USP45: variants seen among roughly 807,000 people sequenced by gnomAD.
USP45 encodes the protein ubiquitin specific peptidase 45, also known as ubiquitin carboxyl-terminal hydrolase 45.
In USP45, 89 loss-of-function variants were observed where a neutral mutation model predicts 95.8. The observed-to-expected ratio is 0.93, with a 90% CI of 0.78 to 1.11. The LOEUF (loss-of-function observed/expected upper bound fraction) is 1.11. Ranked by LOEUF, USP45 falls within the 50% of genes least tolerant of loss-of-function variation. The pLI is 0.00. For synonymous variants in USP45, 281 were observed against 316.2 expected, an observed-to-expected ratio of 0.89 and a Z score of 1.18; for missense variants, 898 against 942.5, an observed-to-expected ratio of 0.95 and a Z score of 0.62.
intron 1 of USP45, among the ~76,000 whole-genome samples, chr6:99,511,359 T>G (rs1799743128): frequency 6.6e-6 from 1 of 151,744 alleles, no homozygotes; most frequent in Non-Finnish European, 1.5e-5. Flanking sequence ...TTCACTGTGT[T>G]AGTCAGAATG....
intron 14 of USP45, among the ~76,000 whole-genome samples, chr6:99,445,298 G>A (rs574370805): frequency 6.6e-6 from 1 of 152,076 alleles, no homozygotes; most frequent in Admixed American, 6.6e-5. Flanking sequence ...GCCTGGCCAA[G>A]ATGGTGAAAC....
chr6:99,487,931 C>G (rs531464047), intron 7 of USP45, among the ~76,000 whole-genome samples: 27 of 152,310 alleles, frequency 1.8e-4, no homozygotes, highest in Admixed American at 1.0e-3. Flanking sequence ...ATAGAAGTCA[C>G]ACCTCTTTTG....
chr6:99,465,127 C>A lies in USP45; in HGVS notation c.1117G>T (p.Val373Leu), dbSNP rs76636141. 1.1e-5 allele frequency: 18 copies of A among 1,593,244 alleles called. No individual in the cohort carries two copies. The highest frequency in any genetic ancestry group is 1.5e-5 in the Non-Finnish European group (17 of 1,167,486). Residue 373 changes from valine to leucine, a missense_variant, in exon 12 of 18, where the codon GTG becomes TTG. Coordinates refer to ENST00000500704, the MANE Select transcript of USP45 (RefSeq NM_001346022.3). ...MCEECANIST[V>L]KDPFIDISLP... ...GAAATATCAATGAATGGATCTTTCA[C>A]CGTGGAGATCTTAAAAGGAAAACAC... is the stretch of plus-strand genomic sequence containing the variant.
At chr6:99,447,977 T>G (rs1199774011) in intron 13 of USP45, among the ~76,000 whole-genome samples, 1 of 152,232 alleles carries the variant, frequency 6.6e-6, no homozygotes, top group African/African-American at 2.4e-5. Context: ...GACCTGCAGC[T>G]GAGGGTCCTG....
intron 9 of USP45, among the ~76,000 whole-genome samples, chr6:99,474,923 T>C (rs1790426813): frequency 6.6e-6 from 1 of 152,194 alleles, no homozygotes; most frequent in African/African-American, 2.4e-5. Context: ...GCCTATCAGT[T>C]AGGGGATAGG....
Position 99,439,749 on chromosome 6 carries a change from A to G in USP45, c.2160+20T>C, listed in dbSNP as rs1386530082. On this transcript the variant is annotated intron_variant, in intron 16 of 17. Transcript: ENST00000500704. The stretch of plus-strand genomic sequence containing the variant: ...AGCATATTAATTTATAAATCAATTA[A>G]ATATCTTAATATACTGTACCTTACA... 6.8e-7 allele frequency: 1 copy of G among 1,476,316 alleles called. No homozygotes were observed. The highest frequency in any genetic ancestry group is 9.1e-7 in the Non-Finnish European group (1 of 1,101,934). 91.5% of individuals were successfully genotyped at this position (1,476,316 alleles called of 1,614,324 possible). A position where few individuals can be genotyped will look rare whatever the true frequency, so the allele number is the denominator to read the frequency against.
chr6:99,511,847 A>G (rs1469238835), intron 1 of USP45, among the ~76,000 whole-genome samples: 19 of 4,390 alleles, frequency 4.3e-3, no homozygotes, highest in Non-Finnish European at 2.7e-3. Context: ...GAGTGTGTGT[A>G]TATATATATA....
intron 13 of USP45, among the ~76,000 whole-genome samples, chr6:99,447,915 G>A (rs962605943): frequency 6.6e-6 from 1 of 152,212 alleles, no homozygotes; most frequent in Non-Finnish European, 1.5e-5. Context: ...AGCCTCCGCT[G>A]CTGATATCCA....
chr6:99,470,534 A>G lies in USP45; in HGVS notation c.934-1916T>C, dbSNP rs543409774. Among the ~76,000 whole-genome samples, 8 of 152,220 alleles carry G rather than the reference A, an allele frequency of 5.3e-5. No individual in the cohort carries two copies. The South Asian group carries it at 1.2e-3, about 24-fold the overall frequency. ...ATTTTACAAAGTAGGGGATAAAAGC[A>G]AACATAAAGCAATTCATACCGTGTG... On this transcript the variant is annotated intron_variant, in intron 9 of 17. Coordinates refer to ENST00000500704, the MANE Select transcript of USP45 (RefSeq NM_001346022.3).
intron 16 of USP45, among the ~76,000 whole-genome samples, chr6:99,438,648 T>A (rs965286702): frequency 1.3e-5 from 2 of 152,118 alleles, no homozygotes; most frequent in African/African-American, 4.8e-5. Flanking sequence ...GAACACTAGG[T>A]GATATGACAG....
intron 1 of USP45, among the ~76,000 whole-genome samples, chr6:99,511,845 GTA>G (rs751350306): frequency 0.023 from 517 of 22,720 alleles, no homozygotes; most frequent in Middle Eastern, 0.056. Context: ...GTGAGTGTGT[GTA>G]TATATATATA....
intron 13 of USP45, among the ~76,000 whole-genome samples, chr6:99,455,117 A>C (rs969004052): frequency 4.6e-5 from 7 of 150,654 alleles, no homozygotes; most frequent in African/African-American, 7.3e-5. Flanking sequence ...AAACAAAAAA[A>C]CAAAACACAA....
intron 3 of USP45, 145 bp from the exon 4 acceptor site, chr6:99,507,676 A>G (rs2128805187): frequency 1.7e-6 from 1 of 593,776 alleles, no homozygotes; most frequent in Non-Finnish European, 2.9e-6. Flanking sequence ...AGTAATATGG[A>G]TTCTCATTAA....
Position 99,446,178 on chromosome 6 carries a change from C to T in USP45, c.1594G>A (p.Gly532Arg). The T allele has an allele frequency of 6.2e-7, 1 of 1,614,138 alleles. No homozygotes were observed. The highest frequency in any genetic ancestry group is 1.1e-5 in the South Asian group (1 of 91,076). ...SSSGSGVQPD[G>R]PLYPLSAGKL... ...CCTGCTGACAGAGGGTAAAGGGGTC[C>T]ATCTGGCTGCACACCGGATCCACTA... is the stretch of plus-strand genomic sequence containing the variant. Residue 532 changes from glycine (G) to arginine (R), a missense_variant, in exon 14 of 18, where the codon GGA (glycine) becomes AGA (arginine). By Grantham distance (125) the Gly-to-Arg change is moderately radical. Coordinates refer to ENST00000500704, the MANE Select transcript of USP45 (RefSeq NM_001346022.3).
chr6:99,498,031 C>T (rs1796670223), intron 5 of USP45, among the ~76,000 whole-genome samples: 1 of 152,176 alleles, frequency 6.6e-6, no homozygotes, highest in South Asian at 2.1e-4. Flanking sequence ...ATTGTTCTCA[C>T]GGTCCCTCGT....
intron 15 of USP45, among the ~76,000 whole-genome samples, chr6:99,442,649 C>A (rs916446294): frequency 2.2e-4 from 33 of 151,984 alleles, no homozygotes; most frequent in Non-Finnish European, 7.4e-5. Flanking sequence ...GAGTTTAAGA[C>A]CAGCCTGGCC....
At chr6:99,452,503 T>C (rs866185700) in intron 13 of USP45, among the ~76,000 whole-genome samples, 21 of 152,140 alleles carry the variant, frequency 1.4e-4, no homozygotes, top group Admixed American at 3.3e-4. Context: ...GTTAGAATGG[T>C]GATCATTAAA....
chr6:99,477,506 T>G (rs938530052), intron 8 of USP45, among the ~76,000 whole-genome samples: 4 of 151,736 alleles, frequency 2.6e-5, no homozygotes, highest in Non-Finnish European at 5.9e-5. Flanking sequence ...AGAGGTGGGG[T>G]TTCTCCATGT....
intron 7 of USP45, among the ~76,000 whole-genome samples, chr6:99,486,749 T>G: frequency 6.6e-6 from 1 of 152,148 alleles, no homozygotes; most frequent in Non-Finnish European, 1.5e-5. Flanking sequence ...TAAGCATGTT[T>G]AGAGGGCTAA....
Sources: allele counts gnomAD v4.1 joint callset (sites outside exome capture counted in the v4.1 genomes callset), GRCh38; gene constraint gnomAD v4.1.1; transcripts MANE v1.5; gene names NCBI Gene and HGNC (gene_info 2026-07-23, HGNC 2026-07-21).